ADAM9: variants seen among roughly 807,000 people sequenced by gnomAD.
ADAM9 encodes disintegrin and metalloproteinase domain-containing protein 9.
In ADAM9, 54 loss-of-function variants were observed where a neutral mutation model predicts 108.1. The ratio of observed to expected loss-of-function variants is 0.50; its 90% CI spans 0.40 to 0.63. The LOEUF is 0.63. Ranked by LOEUF, ADAM9 falls within the 20% of genes least tolerant of loss-of-function variation. ADAM9 has a pLI of 0.00. For missense variants in ADAM9, 830 were observed against 997.7 expected, an observed-to-expected ratio of 0.83 and a Z score of 2.26; for synonymous variants, 316 against 336.0, an observed-to-expected ratio of 0.94 and a Z score of 0.65.
At position 39,045,415 on chromosome 8, in the gene ADAM9, TGTGTACACACACCTATATGTGCGC is replaced by T. The variant is rs1837707749; in HGVS notation, c.1302+3303_1302+3326del. On this transcript the variant is annotated intron_variant, in intron 12 of 21. Coordinates refer to ENST00000487273, the MANE Select transcript of ADAM9 (RefSeq NM_003816.3). ...GTGTACACACACCTATATGTGCGCGTGTGTACACACACCTATATGTGCGCGTGTGTACACACACCTATATGTGCG... is the reference window on the plus strand; with the variant it reads ...GTGTACACACACCTATATGTGCGCGTGTGTGTACACACACCTATATGTGCG... Among the ~76,000 whole-genome samples, 6 of 135,262 alleles carry T rather than the reference TGTGTACACACACCTATATGTGCGC, an allele frequency of 4.4e-5. 1 individual carries two copies. The highest frequency in any genetic ancestry group is 1.4e-4 in the Admixed American group (2 of 13,952). The allele number at this position is 135,262 out of a possible 152,430, so 88.7% of individuals were successfully genotyped here. A position where few individuals can be genotyped will look rare whatever the true frequency, so the allele number is the denominator to read the frequency against.
At chr8:39,084,108 C>T (rs1268961026) in intron 18 of ADAM9, among the ~76,000 whole-genome samples, 1 of 152,096 alleles carries the variant, frequency 6.6e-6, no homozygotes, top group Non-Finnish European at 1.5e-5. Flanking sequence ...TTTTCTTGTA[C>T]TTATTTGCCA....
intron 12 of ADAM9, among the ~76,000 whole-genome samples, chr8:39,045,099 TGTGTGCATACATAC>T (rs1564297282): frequency 0.075 from 2,550 of 34,168 alleles, 432 homozygotes; most frequent in Middle Eastern, 0.17. Flanking sequence ...TACATATGTG[TGTGTGCATACATAC>T]ATATGTGTGT....
intron 16 of ADAM9, among the ~76,000 whole-genome samples, chr8:39,077,985 T>A (rs1838901392): frequency 6.6e-6 from 1 of 152,082 alleles, no homozygotes; most frequent in Non-Finnish European, 1.5e-5. Flanking sequence ...GTAGAAGGGA[T>A]GTGGCAGCCT....
At chr8:39,018,440 G>A (rs1564246360) in intron 6 of ADAM9, among the ~76,000 whole-genome samples, 1 of 152,084 alleles carries the variant, frequency 6.6e-6, no homozygotes, top group African/African-American at 2.4e-5. Context: ...TTATCTCTCA[G>A]CATAGTAATG....
intron 16 of ADAM9, among the ~76,000 whole-genome samples, chr8:39,081,718 G>T (rs1839029762): frequency 6.6e-6 from 1 of 152,162 alleles, no homozygotes; most frequent in African/African-American, 2.4e-5. Flanking sequence ...ATTTTTTAGA[G>T]TGGTAAGGCT....
At chr8:39,101,756 T>G (rs1839701651) in intron 20 of ADAM9, 107 bp from the exon 21 acceptor site, 2 of 923,800 alleles carry the variant, frequency 2.2e-6, no homozygotes, top group Non-Finnish European at 3.3e-6. Context: ...ATAAGGAATA[T>G]TCAACTGTAG....
At chr8:38,998,971 G>C (rs1835914371) in intron 1 of ADAM9, among the ~76,000 whole-genome samples, 1 of 152,082 alleles carries the variant, frequency 6.6e-6, no homozygotes, top group Admixed American at 6.5e-5. Flanking sequence ...GTAGGGGTGC[G>C]ACCTAATCTC....
chr8:39,104,873 C>G lies in ADAM9; in HGVS notation c.*1173C>G, dbSNP rs769671331. The stretch of plus-strand genomic sequence containing the variant: ...TAAGCACTAAAAATTTTTTCATAAC[C>G]TTTCATAATAAAGTTTAATAATAGG... On this transcript the variant is annotated 3_prime_UTR_variant, in exon 22 of 22. Coordinates refer to ENST00000487273, the MANE Select transcript of ADAM9 (RefSeq NM_003816.3). 2 of 441,236 alleles carry G rather than the reference C, an allele frequency of 4.5e-6. No homozygotes were observed. The highest frequency in any genetic ancestry group is 8.9e-6 in the Non-Finnish European group (2 of 223,666). The allele number at this position is 441,236 out of a possible 1,614,324, so 27.3% of individuals were successfully genotyped here.
chr8:39,083,031 A>G lies in ADAM9; in HGVS notation c.2026A>G (p.Lys676Glu). 6.2e-7 allele frequency: 1 copy of G among 1,613,958 alleles called. No individual in the cohort carries two copies. The highest frequency in any genetic ancestry group is 1.1e-5 in the South Asian group (1 of 91,080). ...NGWAPPNCETKGYGGSVDSGP... is the reference protein window; with the variant it reads ...NGWAPPNCETEGYGGSVDSGP... The stretch of plus-strand genomic sequence containing the variant: ...CTGGGCTCCCCCAAATTGTGAGACT[A>G]AAGGATACGGAGGAAGTGTGGACAG... Residue 676 changes from lysine (K) to glutamate (E), a missense_variant, in exon 18 of 22, where the codon AAA becomes GAA. Lys to Glu is a moderately conservative substitution (Grantham distance 56). This residue lies in a region of ADAM9 where 238 missense variants were observed against 235.7 expected (regional missense o/e 1.01). Coordinates refer to ENST00000487273, the MANE Select transcript of ADAM9 (RefSeq NM_003816.3).
chr8:39,055,816 T>G (rs774956507), intron 14 of ADAM9, 44 bp downstream of exon 14: 132 of 1,560,074 alleles, frequency 8.5e-5, no homozygotes, highest in Middle Eastern at 1.7e-4. Flanking sequence ...ATATTATTTA[T>G]TTTTGATTTA....
At chr8:39,074,272 A>C (rs1588413653) in intron 15 of ADAM9, among the ~76,000 whole-genome samples, 2 of 152,294 alleles carry the variant, frequency 1.3e-5, no homozygotes, top group East Asian at 1.9e-4. Context: ...GTGTATATAC[A>C]TTTATAAACA....
intron 11 of ADAM9, among the ~76,000 whole-genome samples, chr8:39,036,346 C>T (rs937573024): frequency 1.4e-5 from 2 of 142,990 alleles, no homozygotes. Context: ...AATTCAGTAC[C>T]AGCACTTAGA....
rs536635351 is a variant in ADAM9 at position 39,056,683 on chromosome 8, C to G, written c.1591+911C>G. ...TCTGTCTTTCTGTTTCTCTCTCTCT[C>G]TTTTGGTTTGGTTAATTTCCTATGT... On this transcript the variant is annotated intron_variant, in intron 14 of 21. Transcript: ENST00000487273. Among the ~76,000 whole-genome samples the G allele has an allele frequency of 8.4e-4, 128 of 152,238 alleles. 1 individual carries two copies. The highest frequency in any genetic ancestry group is 3.0e-3 in the African/African-American group (124 of 41,540).
At chr8:39,019,712 T>G (rs1440832505) in intron 7 of ADAM9, among the ~76,000 whole-genome samples, 6 of 152,224 alleles carry the variant, frequency 3.9e-5, no homozygotes. Context: ...TGATTGGCAG[T>G]TCCTTTCTTG....
intron 20 of ADAM9, among the ~76,000 whole-genome samples, chr8:39,093,221 G>T (rs186430201): frequency 6.6e-6 from 1 of 152,288 alleles, no homozygotes; most frequent in Non-Finnish European, 1.5e-5. Context: ...CAGTCAGTGA[G>T]CATGGGATAT....
intron 1 of ADAM9, among the ~76,000 whole-genome samples, chr8:39,003,247 A>G (rs939853868): frequency 1.3e-5 from 2 of 152,216 alleles, no homozygotes; most frequent in African/African-American, 4.8e-5. Context: ...TAAAAAATTC[A>G]TAGAAGACAG....
chr8:39,002,831 G>A (rs1228407158), intron 1 of ADAM9, among the ~76,000 whole-genome samples: 1 of 151,976 alleles, frequency 6.6e-6, no homozygotes, highest in Non-Finnish European at 1.5e-5. Context: ...TCTTCAGGCC[G>A]TTTTCTCTTT....
At chr8:39,041,822 C>T in intron 11 of ADAM9, 124 bp from the exon 12 acceptor site, 2 of 828,182 alleles carry the variant, frequency 2.4e-6, no homozygotes, top group South Asian at 1.6e-5. Context: ...CATTTCTGTC[C>T]ACTTTTATTA....
intron 15 of ADAM9, among the ~76,000 whole-genome samples, chr8:39,074,476 C>G (rs1435099431): frequency 6.6e-6 from 1 of 152,074 alleles, no homozygotes. Flanking sequence ...TTTTGCTGAA[C>G]CATTTTAAGT....
Sources: gnomAD v4.1 joint callset for allele counts (sites outside exome capture counted in the v4.1 genomes callset) on GRCh38, gnomAD v4.1.1 for gene constraint, gnomAD v4.1.1 regional missense constraint, MANE v1.5 for transcripts, NCBI Gene and HGNC (gene_info 2026-07-23, HGNC 2026-07-21) for gene names.